Variants in RAPGEF4 observed in about 807,000 individuals in gnomAD.
RAPGEF4 encodes the protein Rap guanine nucleotide exchange factor 4.
In RAPGEF4, 66 loss-of-function variants were observed where a neutral mutation model predicts 147.9. The observed-to-expected ratio is 0.45, with a 90% CI of 0.37 to 0.55. The LOEUF is 0.55. RAPGEF4 is among the 20% of genes least tolerant of loss of function. RAPGEF4 has a pLI of 0.00. For missense variants in RAPGEF4, 1,071 were observed against 1,257.3 expected (o/e 0.85, Z 2.24); for synonymous variants, 419 against 442.7 (o/e 0.95, Z 0.67).
At chr2:172,847,355 G>A (rs547371474) in intron 4 of RAPGEF4, among the ~76,000 whole-genome samples, 15 of 152,154 alleles carry the variant, frequency 9.9e-5, no homozygotes, top group East Asian at 1.9e-4. Flanking sequence ...ATGGTCTTGC[G>A]TGGCAGGGTG....
intron 4 of RAPGEF4, among the ~76,000 whole-genome samples, chr2:172,852,722 G>A (rs1000028886): frequency 2.6e-5 from 4 of 151,940 alleles, no homozygotes; most frequent in African/African-American, 9.7e-5. Flanking sequence ...ATTGATCTTA[G>A]GGGAAAATCA....
chr2:172,835,673 A>G (rs1690843997), intron 4 of RAPGEF4, among the ~76,000 whole-genome samples: 1 of 152,106 alleles, frequency 6.6e-6, no homozygotes, highest in African/African-American at 2.4e-5. Context: ...ATGTTTTATG[A>G]ATATAAATCA....
At chr2:173,002,167 G>A (rs191650431) in intron 17 of RAPGEF4, among the ~76,000 whole-genome samples, 1 of 152,214 alleles carries the variant, frequency 6.6e-6, no homozygotes, top group Admixed American at 6.5e-5. Flanking sequence ...GTATTAAATT[G>A]CTAAGCTGCT....
intron 4 of RAPGEF4, among the ~76,000 whole-genome samples, chr2:172,815,777 T>C (rs1351769146): frequency 6.6e-6 from 1 of 152,228 alleles, no homozygotes; most frequent in Non-Finnish European, 1.5e-5. Context: ...TGTGGAAATA[T>C]TTTAAAGATT....
chr2:172,951,491 C>T (rs765094689), intron 6 of RAPGEF4, among the ~76,000 whole-genome samples: 10 of 152,100 alleles, frequency 6.6e-5, no homozygotes, highest in Non-Finnish European at 1.5e-4. Flanking sequence ...AGGTAAGAAA[C>T]GAACATGAAT....
intron 4 of RAPGEF4, among the ~76,000 whole-genome samples, chr2:172,890,285 G>A (rs778887260): frequency 1.3e-5 from 2 of 152,184 alleles, no homozygotes; most frequent in South Asian, 2.1e-4. Context: ...GATGACTGGC[G>A]ACAGCCATTT....
chr2:172,914,990 A>G (rs190929005), intron 4 of RAPGEF4, among the ~76,000 whole-genome samples: 6 of 152,308 alleles, frequency 3.9e-5, no homozygotes, highest in Admixed American at 2.0e-4. Context: ...AGAAATCCCA[A>G]TTTTCTGATA....
chr2:172,799,719 G>A (rs1686775396), intron 3 of RAPGEF4, among the ~76,000 whole-genome samples: 2 of 152,036 alleles, frequency 1.3e-5, no homozygotes, highest in African/African-American at 4.8e-5. Flanking sequence ...ACAAAAGAGA[G>A]GAAAGGGAAG....
intron 17 of RAPGEF4, among the ~76,000 whole-genome samples, chr2:173,004,029 T>C (rs1694207413): frequency 6.6e-6 from 1 of 152,222 alleles, no homozygotes; most frequent in Non-Finnish European, 1.5e-5. Flanking sequence ...TTTACTGCTA[T>C]TTTTCTAAAT....
intron 4 of RAPGEF4, among the ~76,000 whole-genome samples, chr2:172,870,951 G>C (rs1695176261): frequency 6.6e-6 from 1 of 151,948 alleles, no homozygotes; most frequent in Non-Finnish European, 1.5e-5. Context: ...CTAAATTTTT[G>C]GTATAAAACT....
chr2:172,857,331 C>T (rs1693540147), intron 4 of RAPGEF4, among the ~76,000 whole-genome samples: 1 of 152,092 alleles, frequency 6.6e-6, no homozygotes, highest in South Asian at 2.1e-4. Context: ...ATTTTCAGGA[C>T]AATGGAAGGA....
chr2:172,870,496 G>C (rs1695119802), intron 4 of RAPGEF4, among the ~76,000 whole-genome samples: 1 of 152,168 alleles, frequency 6.6e-6, no homozygotes, highest in African/African-American at 2.4e-5. Context: ...GCTGTGGCCT[G>C]TGTCAGTTTA....
At chr2:173,044,066 G>A (rs554248068) in intron 29 of RAPGEF4, among the ~76,000 whole-genome samples, 8 of 152,170 alleles carry the variant, frequency 5.3e-5, no homozygotes, top group Non-Finnish European at 7.3e-5. Context: ...TCTGTAGACC[G>A]AGCAGCGCTG....
At chr2:172,998,468 C>T (rs528443442) in intron 16 of RAPGEF4, among the ~76,000 whole-genome samples, 2 of 152,280 alleles carry the variant, frequency 1.3e-5, no homozygotes, top group Admixed American at 1.3e-4. Flanking sequence ...AATCCCAGCA[C>T]TTTGGGGGCC....
chr2:172,916,077 G>A (rs916433520), intron 4 of RAPGEF4, among the ~76,000 whole-genome samples: 2 of 152,178 alleles, frequency 1.3e-5, no homozygotes, highest in Admixed American at 1.3e-4. Flanking sequence ...CCACAGGGCT[G>A]CTCTAGTTTC....
chr2:173,048,114 TAC>T (rs1685730103), intron 29 of RAPGEF4: 1 of 155,810 alleles, frequency 6.4e-6, no homozygotes, highest in African/African-American at 2.4e-5. Context: ...AGGTCAGTAA[TAC>T]AGAGTGTGTA....
At chr2:172,806,851 T>A (rs1687544249) in intron 3 of RAPGEF4, among the ~76,000 whole-genome samples, 1 of 152,244 alleles carries the variant, frequency 6.6e-6, no homozygotes, top group Non-Finnish European at 1.5e-5. Context: ...TGCCTTCTCT[T>A]TTTTCCTTCT....
upstream of RAPGEF4, chr2:172,735,414 G>C (rs1166345142): frequency 6.6e-6 from 1 of 152,314 alleles, no homozygotes. Flanking sequence ...AGGTGAGCAA[G>C]CAACCGCCGG....
intron 1 of RAPGEF4, among the ~76,000 whole-genome samples, chr2:172,772,489 G>T (rs188990849): frequency 6.6e-6 from 1 of 151,494 alleles, no homozygotes; most frequent in Non-Finnish European, 1.5e-5. Flanking sequence ...GATTACAGGC[G>T]CCTGCCACCA....
Sources: allele counts gnomAD v4.1 joint callset (sites outside exome capture counted in the v4.1 genomes callset), GRCh38; gene constraint gnomAD v4.1.1; transcripts MANE v1.5; gene names NCBI Gene and HGNC (gene_info 2026-07-23, HGNC 2026-07-21).